Variants in FRY observed in about 807,000 individuals in gnomAD.
FRY encodes protein furry homolog.
FRY carries 128 observed loss-of-function variants against 348.4 expected under a neutral mutation model. The ratio of observed to expected loss-of-function variants is 0.37; its 90% CI spans 0.32 to 0.43. The LOEUF is 0.43. Ranked by LOEUF, FRY falls within the 20% of genes least tolerant of loss-of-function variation. The pLI is 1.00. For synonymous variants in FRY, 1,370 were observed against 1,374.7 expected (o/e 1.00, Z 0.08); for missense variants, 2,736 against 3,695.2 (o/e 0.74, Z 6.73).
At chr13:32,231,157 C>T in intron 40 of FRY, 22 bp from the exon 41 acceptor site, 1 of 1,610,276 alleles carries the variant, frequency 6.2e-7, no homozygotes, top group Non-Finnish European at 8.5e-7. Flanking sequence ...ATATTTTTGA[C>T]ATTTTGTGTG....
At chr13:32,106,551 C>T (rs1482739034) in intron 3 of FRY, among the ~76,000 whole-genome samples, 1 of 152,196 alleles carries the variant, frequency 6.6e-6, no homozygotes, top group East Asian at 1.9e-4. Context: ...GCTGCTAGAG[C>T]TTGGCCATTG....
chr13:32,072,348 TC>T (rs1227481178), intron 1 of FRY, among the ~76,000 whole-genome samples: 2 of 152,242 alleles, frequency 1.3e-5, no homozygotes, highest in Non-Finnish European at 2.9e-5. Context: ...GATATTCTTT[TC>T]TTGGCCCACT....
chr13:32,171,908 G>A (rs112663218), intron 18 of FRY, among the ~76,000 whole-genome samples: 1 of 151,122 alleles, frequency 6.6e-6, no homozygotes, highest in African/African-American at 2.4e-5. Flanking sequence ...GGGTGTGGAT[G>A]TGGATGTAGG....
chr13:32,062,157 G>A (rs1466535662), intron 1 of FRY, among the ~76,000 whole-genome samples: 3 of 151,604 alleles, frequency 2.0e-5, no homozygotes, highest in Admixed American at 6.6e-5. Flanking sequence ...TTTATAAAGC[G>A]TGCATTAAGG....
intron 53 of FRY, among the ~76,000 whole-genome samples, chr13:32,262,684 C>G (rs1394667290): frequency 1.3e-5 from 2 of 152,182 alleles, no homozygotes; most frequent in Non-Finnish European, 2.9e-5. Context: ...CAGCCATCTT[C>G]TTGGCTGAAA....
intron 36 of FRY, among the ~76,000 whole-genome samples, chr13:32,220,300 A>G (rs1378598237): frequency 6.6e-6 from 1 of 152,236 alleles, no homozygotes; most frequent in Non-Finnish European, 1.5e-5. Flanking sequence ...ACAGACAGGC[A>G]GTTCTCTACC....
At chr13:32,160,386 G>T (rs1424454907) in intron 16 of FRY, among the ~76,000 whole-genome samples, 1 of 152,038 alleles carries the variant, frequency 6.6e-6, no homozygotes. Context: ...ATTCCATAAA[G>T]GTTACAGATA....
chr13:32,053,830 G>A (rs1258717142), intron 1 of FRY, among the ~76,000 whole-genome samples: 1 of 152,086 alleles, frequency 6.6e-6, no homozygotes, highest in Non-Finnish European at 1.5e-5. Flanking sequence ...AGGATATTAG[G>A]CAAAGAGGCC....
chr13:32,073,713 T>C (rs1185095649), intron 1 of FRY, among the ~76,000 whole-genome samples: 2 of 152,204 alleles, frequency 1.3e-5, no homozygotes, highest in Non-Finnish European at 2.9e-5. Flanking sequence ...AAGTATTGGT[T>C]GAAATGAATG....
At chr13:32,153,700 GA>G (rs2138153798) in intron 14 of FRY, among the ~76,000 whole-genome samples, 1 of 152,126 alleles carries the variant, frequency 6.6e-6, no homozygotes, top group African/African-American at 2.4e-5. Context: ...CAATAAACCT[GA>G]TTTTTAAAAA....
intron 47 of FRY, among the ~76,000 whole-genome samples, chr13:32,246,506 G>A (rs1886808208): frequency 1.3e-5 from 2 of 152,224 alleles, no homozygotes; most frequent in African/African-American, 4.8e-5. Flanking sequence ...GCCAAGTTTG[G>A]GGAACTCCAG....
chr13:32,094,282 A>G (rs1445204760), intron 2 of FRY, among the ~76,000 whole-genome samples: 1 of 152,174 alleles, frequency 6.6e-6, no homozygotes, highest in Non-Finnish European at 1.5e-5. Context: ...ATGTTTTGAT[A>G]TAGGCATGCA....
In FRY at chr13:32,270,442, G is replaced by A. The variant is rs374231122; in HGVS notation, c.8136+3083G>A. Among the ~76,000 whole-genome samples the A allele has an allele frequency of 8.5e-5, 13 of 152,304 alleles. No homozygotes were observed. In the South Asian group the frequency reaches 2.7e-3, roughly 32 times the overall value. The stretch of plus-strand genomic sequence containing the variant: ...GGCTGGTCTCAAACTCCTGACCTCA[G>A]GTGATCCACCTGCCTTGGCTTCCCA... On this transcript the variant is annotated intron_variant, in intron 55 of 60. Transcript: ENST00000542859.
intron 29 of FRY, 103 bp downstream of exon 29, chr13:32,194,400 G>A: frequency 2.0e-6 from 2 of 1,012,838 alleles, no homozygotes. Flanking sequence ...AGCAAAGTAA[G>A]TTCTATGAGA....
intron 47 of FRY, among the ~76,000 whole-genome samples, chr13:32,246,516 G>C (rs939445742): frequency 6.6e-6 from 1 of 152,256 alleles, no homozygotes; most frequent in Admixed American, 6.5e-5. Context: ...GGGAACTCCA[G>C]CAGCAGCCTG....
chr13:32,197,339 T>G (rs1028104914), intron 29 of FRY, among the ~76,000 whole-genome samples: 6 of 152,220 alleles, frequency 3.9e-5, no homozygotes, highest in African/African-American at 1.4e-4. Flanking sequence ...TCAGGGAATA[T>G]TATCCATCTA....
intron 1 of FRY, among the ~76,000 whole-genome samples, chr13:32,067,372 C>A (rs1234020872): frequency 1.3e-5 from 2 of 151,904 alleles, no homozygotes; most frequent in African/African-American, 4.8e-5. Flanking sequence ...TTAATGTTAA[C>A]AAAAGTCTTG....
In FRY at chr13:32,225,055, G is replaced by A. The variant is rs765452275; in HGVS notation, c.5020+19G>A. On this transcript the variant is annotated intron_variant, in intron 38 of 60. Coordinates refer to ENST00000542859, the MANE Select transcript of FRY (RefSeq NM_023037.3). ...TTCTTAGGTAAGACTGGATCTAAAA[G>A]GCATTCTAGCCAATCGGGTTAAAAA... The A allele has an allele frequency of 1.5e-5, 20 of 1,356,156 alleles. No individual in the cohort carries two copies. The South Asian group carries it at 1.9e-4, about 13-fold the overall frequency. 84.0% of individuals were successfully genotyped at this position (1,356,156 alleles called of 1,614,324 possible). A position where few individuals can be genotyped will look rare whatever the true frequency, so the allele number is the denominator to read the frequency against.
At chr13:32,248,790 C>T (rs958583761) in intron 48 of FRY, among the ~76,000 whole-genome samples, 5 of 152,104 alleles carry the variant, frequency 3.3e-5, no homozygotes, top group Middle Eastern at 3.2e-3. Flanking sequence ...TATTTTTTCT[C>T]TGCAATTTGA....
Sources: allele counts gnomAD v4.1 joint callset (sites outside exome capture counted in the v4.1 genomes callset), GRCh38; gene constraint gnomAD v4.1.1; transcripts MANE v1.5; gene names NCBI Gene and HGNC (gene_info 2026-07-23, HGNC 2026-07-21).